Variants in ADCY2 observed in about 807,000 individuals in gnomAD.
The protein encoded by ADCY2 is adenylate cyclase type 2.
A neutral mutation model predicts 125.2 loss-of-function variants in ADCY2; 31 were observed. The observed-to-expected ratio is 0.25, with a 90% CI of 0.19 to 0.33. The LOEUF is 0.33. Among genes scored for constraint, ADCY2 ranks in the 10% least tolerant of loss-of-function variants. The pLI, the probability that ADCY2 is intolerant of heterozygous loss-of-function variation, is 1.00. For synonymous variants in ADCY2, 512 were observed against 548.4 expected, an observed-to-expected ratio of 0.93 and a Z score of 0.93; for missense variants, 904 against 1,418.2, an observed-to-expected ratio of 0.64 and a Z score of 5.82.
At chr5:7,415,144 A>T (rs183236897) in intron 2 of ADCY2, among the ~76,000 whole-genome samples, 151 of 152,312 alleles carry the variant, frequency 9.9e-4, no homozygotes, top group African/African-American at 3.2e-3. Flanking sequence ...AAGCTTTAAA[A>T]TCTACTCTTT....
At chr5:7,801,237 A>C (rs1000313662) in intron 20 of ADCY2, 3 of 152,386 alleles carry the variant, frequency 2.0e-5, no homozygotes, top group African/African-American at 7.2e-5. Context: ...GGGTGCCCCA[A>C]AGAGCAGGGC....
chr5:7,435,791 G>A (rs1740777651), intron 2 of ADCY2, among the ~76,000 whole-genome samples: 1 of 152,212 alleles, frequency 6.6e-6, no homozygotes, highest in South Asian at 2.1e-4. Flanking sequence ...ACATTCAACA[G>A]AATTTAACAT....
chr5:7,417,077 G>A (rs1404292084), intron 2 of ADCY2, among the ~76,000 whole-genome samples: 53 of 152,164 alleles, frequency 3.5e-4, no homozygotes, highest in Admixed American at 3.3e-3. Flanking sequence ...AAAGGGTCGT[G>A]TATAAAACAT....
intron 19 of ADCY2, among the ~76,000 whole-genome samples, chr5:7,784,978 A>G (rs955171983): frequency 1.3e-5 from 2 of 152,208 alleles, no homozygotes; most frequent in Admixed American, 6.5e-5. Flanking sequence ...CTGGTCTCCC[A>G]CAGAGGCTGT....
chr5:7,820,745 A>G (rs1171938682), intron 24 of ADCY2, 56 bp downstream of exon 24: 1 of 1,554,746 alleles, frequency 6.4e-7, no homozygotes, highest in African/African-American at 1.4e-5. Flanking sequence ...TCTCTTGGGA[A>G]CCATAAATAA....
chr5:7,817,814 C>G (rs1054666598), intron 23 of ADCY2, among the ~76,000 whole-genome samples: 1 of 99,204 alleles, frequency 1.0e-5, no homozygotes, highest in South Asian at 3.3e-4. Flanking sequence ...CAGAAAGAGA[C>G]GCTGTCACCA....
chr5:7,470,829 A>C lies in ADCY2; in HGVS notation c.409-49909A>C, dbSNP rs577369788. On this transcript the variant is annotated intron_variant, in intron 2 of 24. Transcript: ENST00000338316. The stretch of plus-strand genomic sequence containing the variant: ...TTTTTCAGGTTTCTCCTCATTACTG[A>C]TTTTCTGTCTACTTAATATATTAAT... 3.3e-5 allele frequency among the ~76,000 whole-genome samples: 5 copies of C among 151,538 alleles called. No homozygotes were observed. In the East Asian group the frequency reaches 9.7e-4, roughly 29 times the overall value.
At chr5:7,698,141 G>T in intron 6 of ADCY2, 106 bp from the exon 7 acceptor site, 1 of 1,381,974 alleles carries the variant, frequency 7.2e-7, no homozygotes. Context: ...CTCTCCAGAT[G>T]CCCCTGGAAT....
intron 2 of ADCY2, among the ~76,000 whole-genome samples, chr5:7,418,166 C>T (rs1217391768): frequency 6.6e-6 from 1 of 152,160 alleles, no homozygotes; most frequent in Non-Finnish European, 1.5e-5. Context: ...TGTACCTTGA[C>T]ATTTTTGCTT....
chr5:7,822,477 C>T (rs1745331862), intron 24 of ADCY2, among the ~76,000 whole-genome samples: 1 of 152,242 alleles, frequency 6.6e-6, no homozygotes, highest in Non-Finnish European at 1.5e-5. Context: ...CATCTAGCAA[C>T]ACAGAATGTG....
rs367914564 is a variant in ADCY2, at chr5:7,811,457, C to T, written c.2884-5409C>T. ...CGGAGCTTGCAGTAAGTCGAGATTC[C>T]GCCACTGCACTCCAGCCTGGGCAAC... On this transcript the variant is annotated intron_variant, in intron 22 of 24. Coordinates refer to ENST00000338316, the MANE Select transcript of ADCY2 (RefSeq NM_020546.3). 6.6e-5 allele frequency among the ~76,000 whole-genome samples: 10 copies of T among 151,188 alleles called. No homozygotes were observed. In the East Asian group the frequency reaches 1.2e-3, roughly 18 times the overall value.
At chr5:7,745,170 A>G (rs1161518527) in intron 15 of ADCY2, among the ~76,000 whole-genome samples, 1 of 152,140 alleles carries the variant, frequency 6.6e-6, no homozygotes, top group African/African-American at 2.4e-5. Flanking sequence ...CTCCCTTCAA[A>G]AGCTCTGAAA....
At chr5:7,568,443 A>T (rs540015821) in intron 3 of ADCY2, among the ~76,000 whole-genome samples, 1 of 151,214 alleles carries the variant, frequency 6.6e-6, no homozygotes. Context: ...TTTTTTTTTT[A>T]AAGTTATTTC....
intron 3 of ADCY2, among the ~76,000 whole-genome samples, chr5:7,530,272 A>G (rs1734597209): frequency 6.6e-6 from 1 of 152,218 alleles, no homozygotes; most frequent in Non-Finnish European, 1.5e-5. Flanking sequence ...AATTTTAGAT[A>G]AGCTTTTAGA....
At chr5:7,456,108 A>G (rs1741659023) in intron 2 of ADCY2, among the ~76,000 whole-genome samples, 1 of 151,866 alleles carries the variant, frequency 6.6e-6, no homozygotes, top group African/African-American at 2.4e-5. Context: ...GGTTGCTTTA[A>G]AATTATTCAT....
chr5:7,556,520 T>G (rs1735511054), intron 3 of ADCY2, among the ~76,000 whole-genome samples: 1 of 152,234 alleles, frequency 6.6e-6, no homozygotes, highest in African/African-American at 2.4e-5. Context: ...CAGTGGTAAC[T>G]TTTTTCATAC....
chr5:7,461,019 T>G (rs1741897944), intron 2 of ADCY2, among the ~76,000 whole-genome samples: 2 of 152,132 alleles, frequency 1.3e-5, no homozygotes, highest in African/African-American at 2.4e-5. Flanking sequence ...GAATCCTGAG[T>G]TGGTAGAGAT....
intron 20 of ADCY2, among the ~76,000 whole-genome samples, chr5:7,792,268 G>T (rs1479470877): frequency 6.6e-6 from 1 of 150,900 alleles, no homozygotes; most frequent in African/African-American, 2.4e-5. Context: ...GGTGGCGGGT[G>T]CCTGTAATCC....
chr5:7,596,253 C>T (rs532600886), intron 3 of ADCY2, among the ~76,000 whole-genome samples: 1 of 125,784 alleles, frequency 8.0e-6, no homozygotes, highest in East Asian at 2.2e-4. Flanking sequence ...TTTGATGATA[C>T]CCAAATGCCC....
Sources: gnomAD v4.1 joint callset for allele counts (sites outside exome capture counted in the v4.1 genomes callset) on GRCh38, gnomAD v4.1.1 for gene constraint, MANE v1.5 for transcripts, NCBI Gene and HGNC (gene_info 2026-07-23, HGNC 2026-07-21) for gene names.